Variants in ZC3H12B observed in about 807,000 individuals in gnomAD.
ZC3H12B encodes the protein zinc finger CCCH-type containing 12B, also known as probable ribonuclease ZC3H12B.
Under a neutral mutation model 43.9 loss-of-function variants are expected in ZC3H12B, and 7 were observed. The observed-to-expected ratio is 0.16, with a 90% CI of 0.09 to 0.30. The LOEUF is 0.30. Ranked by LOEUF, ZC3H12B falls within the 10% of genes least tolerant of loss-of-function variation. The probability of loss-of-function intolerance (pLI) is 1.00; values close to 1 mark genes in which losing one functional copy is unlikely to be tolerated. For synonymous variants in ZC3H12B, 222 were observed against 241.7 expected, an observed-to-expected ratio of 0.92 and a Z score of 0.76; for missense variants, 475 against 670.2, an observed-to-expected ratio of 0.71 and a Z score of 3.22.
the ZC3H12B span, among the ~76,000 whole-genome samples, chrX:65,062,576 T>C: frequency 8.9e-6 from 1 of 111,990 alleles, no homozygotes; most frequent in Admixed American, 9.5e-5. Context: ...TGTAGTATAG[T>C]TTGAGGTCAA....
chrX:65,213,926 TACACAC>T, the ZC3H12B span, among the ~76,000 whole-genome samples: 8 of 106,158 alleles, frequency 7.5e-5, no homozygotes, highest in African/African-American at 1.7e-4. Context: ...CACATATATG[TACACAC>T]ACACACACAC....
At chrX:65,147,799 G>A in the ZC3H12B span, among the ~76,000 whole-genome samples, 2 of 110,823 alleles carry the variant, frequency 1.8e-5, no homozygotes, top group South Asian at 7.8e-4. Context: ...AGCTTGCGTG[G>A]TGCTGGGGAA....
At chrX:65,194,139 G>T in the ZC3H12B span, among the ~76,000 whole-genome samples, 2 of 107,685 alleles carry the variant, frequency 1.9e-5, no homozygotes, top group African/African-American at 6.8e-5. Flanking sequence ...ATTACAATTT[G>T]ACATGAGATT....
the ZC3H12B span, among the ~76,000 whole-genome samples, chrX:65,101,303 AAACTC>A: frequency 3.6e-5 from 4 of 112,054 alleles, no homozygotes; most frequent in African/African-American, 1.3e-4. Context: ...GGAAAAATCT[AAACTC>A]AACATCCTAA....
chrX:65,162,585 A>C, the ZC3H12B span, among the ~76,000 whole-genome samples: 1 of 111,333 alleles, frequency 9.0e-6, no homozygotes, highest in Non-Finnish European at 1.9e-5. Context: ...TGCATTCTTC[A>C]CGTAGTTCTC....
intron 2 of ZC3H12B, among the ~76,000 whole-genome samples, chrX:65,385,501 T>C: frequency 8.9e-6 from 1 of 112,467 alleles, no homozygotes; most frequent in African/African-American, 3.2e-5. Context: ...ATTGATTTTG[T>C]ATTATGAGAG....
intron 3 of ZC3H12B, among the ~76,000 whole-genome samples, chrX:65,458,909 A>G (rs911717401): frequency 2.7e-5 from 3 of 111,428 alleles, no homozygotes; most frequent in African/African-American, 6.5e-5. Flanking sequence ...CAAAAAACCA[A>G]TGAATCCAGG....
chrX:65,335,259 T>C, the ZC3H12B span, among the ~76,000 whole-genome samples: 20 of 111,525 alleles, frequency 1.8e-4, no homozygotes, highest in East Asian at 2.8e-3. Context: ...GCACCTCCTC[T>C]TTTTTTCTGA....
the ZC3H12B span, among the ~76,000 whole-genome samples, chrX:65,303,663 A>G: frequency 0.083 from 9,298 of 112,274 alleles, 1,029 homozygotes; most frequent in African/African-American, 0.29. Context: ...TTAACATTGT[A>G]CTGTAACTTC....
the ZC3H12B span, among the ~76,000 whole-genome samples, chrX:65,066,650 T>C: frequency 7.1e-5 from 8 of 112,106 alleles, no homozygotes; most frequent in Non-Finnish European, 1.5e-4. Flanking sequence ...AGTCTGTCCC[T>C]TAGCACAGCT....
At chrX:65,134,642 A>T in the ZC3H12B span, among the ~76,000 whole-genome samples, 2 of 111,471 alleles carry the variant, frequency 1.8e-5, no homozygotes, top group African/African-American at 6.5e-5. Flanking sequence ...GGATCTCCTC[A>T]CAGAGTGAGG....
the ZC3H12B span, among the ~76,000 whole-genome samples, chrX:65,073,929 A>G: frequency 1.8e-5 from 2 of 111,461 alleles, no homozygotes; most frequent in African/African-American, 3.3e-5. Flanking sequence ...TTAGTGCCGT[A>G]CCTCTGAAGA....
At chrX:65,471,174 C>T (rs1422774697) in intron 3 of ZC3H12B, among the ~76,000 whole-genome samples, 1 of 111,322 alleles carries the variant, frequency 9.0e-6, no homozygotes, top group Non-Finnish European at 1.9e-5. Flanking sequence ...TCTCTTAAGT[C>T]TATTCATTGA....
Position 65,366,702 on chromosome X carries a change from G to A in ZC3H12B, n.65G>A, listed in dbSNP as rs369954835. ...TCTTTTAAGAGTGATGGGTTTCCCA[G>A]GTGATACTTGAAAGAAGAGATAACG... On this transcript the variant is annotated non_coding_transcript_exon_variant, in exon 1 of 6. Coordinates refer to the ZC3H12B transcript ENST00000617377. 13 of 111,994 alleles carry A rather than the reference G, an allele frequency of 1.2e-4. No homozygotes were observed. In the East Asian group the frequency reaches 2.8e-3, roughly 24 times the overall value. The allele number at this position is 111,994 out of a possible 1,213,427, so 9.2% of individuals were successfully genotyped here. A position where few individuals can be genotyped will look rare whatever the true frequency, so the allele number is the denominator to read the frequency against.
chrX:65,265,957 G>A, the ZC3H12B span, among the ~76,000 whole-genome samples: 1 of 111,788 alleles, frequency 8.9e-6, no homozygotes, highest in Non-Finnish European at 1.9e-5. Flanking sequence ...TTTCCAGACT[G>A]TGGCATAGTG....
At chrX:65,161,842 A>T in the ZC3H12B span, among the ~76,000 whole-genome samples, 1 of 111,653 alleles carries the variant, frequency 9.0e-6, no homozygotes, top group Non-Finnish European at 1.9e-5. Flanking sequence ...TCACTAGTTG[A>T]TGCAGTTTCT....
chrX:65,209,646 G>T, the ZC3H12B span, among the ~76,000 whole-genome samples: 1 of 110,033 alleles, frequency 9.1e-6, no homozygotes, highest in Non-Finnish European at 1.9e-5. Flanking sequence ...TGAAAAAAAT[G>T]TATATTCTGT....
chrX:65,185,375 C>A, the ZC3H12B span: 11 of 112,005 alleles, frequency 9.8e-5, no homozygotes, highest in Non-Finnish European at 1.7e-4. Context: ...TGATATTGTT[C>A]TTGCAGCTTT....
At chrX:65,206,088 A>T in the ZC3H12B span, among the ~76,000 whole-genome samples, 2 of 112,209 alleles carry the variant, frequency 1.8e-5, no homozygotes, top group Non-Finnish European at 3.8e-5. Flanking sequence ...CATACTGCCA[A>T]AAGCAGTCTA....
Sources: allele counts gnomAD v4.1 joint callset (sites outside exome capture counted in the v4.1 genomes callset), GRCh38; gene constraint gnomAD v4.1.1; transcripts MANE v1.5; gene names NCBI Gene and HGNC (gene_info 2026-07-23, HGNC 2026-07-21).